The following AP5M1 variants were observed in gnomAD, a reference collection of about 807,000 sequenced individuals.
The protein encoded by AP5M1 is AP-5 complex subunit mu-1.
Under a neutral mutation model 52.3 loss-of-function variants are expected in AP5M1, and 44 were observed. The ratio of observed to expected loss-of-function variants is 0.84; its 90% CI spans 0.66 to 1.08. The LOEUF is 1.08. AP5M1 is among the 50% of genes least tolerant of loss of function. The pLI is 0.00. For synonymous variants in AP5M1, 213 were observed against 199.0 expected (o/e 1.07, Z -0.59); for missense variants, 526 against 568.4 (o/e 0.93, Z 0.76).
intron 3 of AP5M1, among the ~76,000 whole-genome samples, chr14:57,281,020 A>T (rs953365550): frequency 2.5e-4 from 38 of 152,116 alleles, no homozygotes; most frequent in African/African-American, 9.2e-4. Flanking sequence ...GATTTTAACC[A>T]TGAACATAAA....
chr14:57,269,848 C>G (rs537739866), intron 1 of AP5M1, among the ~76,000 whole-genome samples: 13 of 152,196 alleles, frequency 8.5e-5, no homozygotes, highest in African/African-American at 2.4e-4. Context: ...TCGCTCTGTT[C>G]CCCAGGCTAG....
At chr14:57,273,582 C>A in intron 1 of AP5M1, 1 of 541,778 alleles carries the variant, frequency 1.8e-6, no homozygotes, top group East Asian at 2.9e-5. Context: ...AAATTAGTAA[C>A]TGCTTACAGT....
At chr14:57,277,329 C>T (rs928285760) in intron 2 of AP5M1, among the ~76,000 whole-genome samples, 3 of 151,860 alleles carry the variant, frequency 2.0e-5, no homozygotes, top group Non-Finnish European at 2.9e-5. Context: ...TGACCCTTTA[C>T]GAATGTTAAG....
At chr14:57,269,420 G>A (rs774341000) in intron 1 of AP5M1, 32 bp downstream of exon 1, 37 of 1,607,246 alleles carry the variant, frequency 2.3e-5, no homozygotes, top group Non-Finnish European at 3.1e-5. Context: ...CAGGGATGAT[G>A]GATCAGAAGA....
At position 57,297,268 on chromosome 14, in the gene AP5M1, A is replaced by G. The variant is rs1039140415; in HGVS notation, c.*8384A>G. On this transcript the variant is annotated 3_prime_UTR_variant, in exon 8 of 8. Coordinates refer to ENST00000261558, the MANE Select transcript of AP5M1 (RefSeq NM_018229.4). The stretch of plus-strand genomic sequence containing the variant: ...ACAAAAAAACTCCTACATACTAACT[A>G]TATGTTTCTCCCACTGATTCCCCTC... The G allele has an allele frequency of 7.9e-5, 12 of 152,032 alleles. No homozygotes were observed. The highest frequency in any genetic ancestry group is 1.9e-4 in the East Asian group (1 of 5,192). 9.4% of individuals were successfully genotyped at this position (152,032 alleles called of 1,614,324 possible).
intron 1 of AP5M1, chr14:57,273,758 G>GA: frequency 1.4e-6 from 1 of 701,402 alleles, no homozygotes; most frequent in East Asian, 2.7e-5. Flanking sequence ...AAGTTAAGTA[G>GA]AATAGAACAT....
intron 6 of AP5M1, 148 bp from the exon 7 acceptor site, chr14:57,286,073 GCA>G: frequency 1.7e-6 from 1 of 596,264 alleles, no homozygotes. Context: ...ATATGTGTGC[GCA>G]CACACACAAT....
Position 57,289,891 on chromosome 14 carries a change from C to T in AP5M1, c.*1007C>T, listed in dbSNP as rs1885400415. The T allele has an allele frequency of 6.6e-6, 1 of 151,936 alleles. No homozygotes were observed. The highest frequency in any genetic ancestry group is 2.1e-4 in the South Asian group (1 of 4,830). 9.4% of individuals were successfully genotyped at this position (151,936 alleles called of 1,614,324 possible). Reference sequence around the variant, plus strand: ...ATTTCTTCAGAAACCATCTAGTCATCATCTTTATACTCTACCTGCTTCTGC... The same window carrying T: ...ATTTCTTCAGAAACCATCTAGTCATTATCTTTATACTCTACCTGCTTCTGC... On this transcript the variant is annotated 3_prime_UTR_variant, in exon 8 of 8. Transcript: ENST00000261558.
At chr14:57,285,903 G>A (rs1158061837) in intron 6 of AP5M1, among the ~76,000 whole-genome samples, 2 of 152,066 alleles carry the variant, frequency 1.3e-5, no homozygotes, top group African/African-American at 4.8e-5. Context: ...GATACCAATT[G>A]CTTCCATCTT....
At chr14:57,282,750 A>G (rs901106297) in intron 4 of AP5M1, among the ~76,000 whole-genome samples, 184 bp from the exon 5 acceptor site, 1 of 152,128 alleles carries the variant, frequency 6.6e-6, no homozygotes, top group Non-Finnish European at 1.5e-5. Context: ...ATCACCAAAA[A>G]TGTTTATGTG....
rs761596231 is a variant in AP5M1 at position 57,274,775 on chromosome 14, G to A, written c.606G>A (p.Thr202=). 1.6e-5 allele frequency: 26 copies of A among 1,614,002 alleles called. No individual in the cohort carries two copies. The highest frequency in any genetic ancestry group is 9.9e-5 in the South Asian group (9 of 91,086). The change falls in exon 2 of 8, where the codon ACG becomes ACA. Residue 202 remains threonine (T), a synonymous_variant. Coordinates refer to ENST00000261558, the MANE Select transcript of AP5M1 (RefSeq NM_018229.4). ...AACAGCCAGCTTGGAAAACTGGGACGTACAAAGGAAAACCACAAGTTTCTA... is the reference window on the plus strand; with the variant it reads ...AACAGCCAGCTTGGAAAACTGGGACATACAAAGGAAAACCACAAGTTTCTA... The part of the protein sequence containing the change: ...PQKQPAWKTG[T]YKGKPQVSIS...
chr14:57,298,220 G>GT lies in AP5M1; in HGVS notation c.*9336_*9337insT, dbSNP rs1424950233. ...GGCATAATGAGACCTGATATGCTATGACTCTCCCTATCCTATAAAGCCACA... is the reference window on the plus strand; with the variant it reads ...GGCATAATGAGACCTGATATGCTATGTACTCTCCCTATCCTATAAAGCCACA... On this transcript the variant is annotated 3_prime_UTR_variant, in exon 8 of 8. Coordinates refer to ENST00000261558, the MANE Select transcript of AP5M1 (RefSeq NM_018229.4). 5 of 152,154 alleles carry GT rather than the reference G, an allele frequency of 3.3e-5. No individual in the cohort carries two copies. The highest frequency in any genetic ancestry group is 5.9e-5 in the Non-Finnish European group (4 of 68,046). The allele number at this position is 152,154 out of a possible 1,614,324, so 9.4% of individuals were successfully genotyped here.
intron 1 of AP5M1, among the ~76,000 whole-genome samples, chr14:57,273,047 C>T (rs902474830): frequency 1.4e-4 from 22 of 152,022 alleles, no homozygotes; most frequent in Non-Finnish European, 2.4e-4. Context: ...GTTCAAGATT[C>T]TCCTGCCTCA....
In AP5M1 at chr14:57,280,232, G is replaced by A. The variant is rs752156663; in HGVS notation, c.758G>A (p.Ser253Asn). 2.5e-6 allele frequency: 4 copies of A among 1,613,880 alleles called. No individual in the cohort carries two copies. The African/African-American group carries it at 5.3e-5, about 22-fold the overall frequency. The change falls in exon 3 of 8, where the codon AGC (serine) becomes AAC (asparagine). Residue 253 changes from serine to asparagine, a missense_variant. Transcript: ENST00000261558. ...LEGIMPNVTISLSLPTNGSPL... is the reference protein window; with the variant it reads ...LEGIMPNVTINLSLPTNGSPL... ...GGAATCATGCCAAATGTTACCATCA[G>A]CTTGAGTCTCCCCACCAATGGATCT...
chr14:57,297,415 AATGTTAGGTAATCT>A lies in AP5M1; in HGVS notation c.*8533_*8546del, dbSNP rs1398774807. 1 of 152,124 alleles carries A rather than the reference AATGTTAGGTAATCT, an allele frequency of 6.6e-6. No homozygotes were observed. Among genetic ancestry groups the A allele is most frequent in the Non-Finnish European group, 1.5e-5 (1 of 68,028 alleles). The allele number at this position is 152,124 out of a possible 1,614,324, so 9.4% of individuals were successfully genotyped here. ...TATAAGGAAAATATATATGTGAAGA[AATGTTAGGTAATCT>A]AACATTTGTATGCTAATGTGTCTTA... On this transcript the variant is annotated 3_prime_UTR_variant, in exon 8 of 8. Coordinates refer to ENST00000261558, the MANE Select transcript of AP5M1 (RefSeq NM_018229.4).
Position 57,290,468 on chromosome 14 carries a change from G to A in AP5M1, c.*1584G>A, listed in dbSNP as rs1885413274. 3 of 151,814 alleles carry A rather than the reference G, an allele frequency of 2.0e-5. No individual in the cohort carries two copies. In the South Asian group the frequency reaches 6.2e-4, roughly 31 times the overall value. 9.4% of individuals were successfully genotyped at this position (151,814 alleles called of 1,614,324 possible). On this transcript the variant is annotated 3_prime_UTR_variant, in exon 8 of 8. Coordinates refer to ENST00000261558, the MANE Select transcript of AP5M1 (RefSeq NM_018229.4). ...TTTCACTTATGTTGATAAGTTAATG[G>A]TAATGGAGCCATTTGGAATCTTGAT...
chr14:57,281,303 A>G (rs1024680965), intron 3 of AP5M1, among the ~76,000 whole-genome samples: 1 of 152,216 alleles, frequency 6.6e-6, no homozygotes, highest in African/African-American at 2.4e-5. Flanking sequence ...TCAGACTTCC[A>G]AACCTCGTTT....
intron 4 of AP5M1, 102 bp from the exon 5 acceptor site, chr14:57,282,832 T>TA (rs1267572660): frequency 4.5e-6 from 3 of 661,704 alleles, no homozygotes; most frequent in Non-Finnish European, 7.7e-6. Flanking sequence ...GATCTGCTTT[T>TA]ATGCTGTCCT....
chr14:57,281,495 GC>G (rs1885173715), intron 3 of AP5M1, among the ~76,000 whole-genome samples: 1 of 152,206 alleles, frequency 6.6e-6, no homozygotes, highest in Admixed American at 6.5e-5. Context: ...ATTAGTATCA[GC>G]CTGTACTCAA....
Sources: allele counts gnomAD v4.1 joint callset (sites outside exome capture counted in the v4.1 genomes callset), GRCh38; gene constraint gnomAD v4.1.1; transcripts MANE v1.5; gene names NCBI Gene and HGNC (gene_info 2026-07-23, HGNC 2026-07-21).